Variants in CYLC2 observed in about 807,000 individuals in gnomAD.
CYLC2 encodes cylicin 2.
A neutral mutation model predicts 26.1 loss-of-function variants in CYLC2; 30 were observed. The observed-to-expected ratio is 1.15, with a 90% CI of 0.86 to 1.56. The LOEUF is 1.56. Ranked by LOEUF, CYLC2 falls within the 40% of genes most tolerant of loss-of-function variation. The pLI is 0.00. For missense variants in CYLC2, 498 were observed against 394.4 expected (o/e 1.26, Z -2.23); for synonymous variants, 158 against 132.8 (o/e 1.19, Z -1.31).
chr9:103,013,708 TATTA>T (rs1168388624), intron 6 of CYLC2, among the ~76,000 whole-genome samples: 1 of 111,124 alleles, frequency 9.0e-6, no homozygotes, highest in African/African-American at 3.7e-5. Context: ...GTACATTATA[TATTA>T]TATATATTAT....
At chr9:103,013,624 T>A (rs1240178305) in intron 6 of CYLC2, among the ~76,000 whole-genome samples, 28 of 112,616 alleles carry the variant, frequency 2.5e-4, no homozygotes, top group Admixed American at 8.1e-4. Flanking sequence ...ATATAATATG[T>A]TATATAGATA....
chr9:103,005,178 G>T lies in CYLC2; in HGVS notation c.547G>T (p.Gly183Ter). 6.2e-7 allele frequency: 1 copy of T among 1,606,108 alleles called. No homozygotes were observed. The highest frequency in any genetic ancestry group is 8.5e-7 in the Non-Finnish European group (1 of 1,177,966). The change falls in exon 5 of 8, where the codon GGA becomes TGA. Residue 183 changes from glycine (G) to a stop codon, truncating the protein, a stop_gained. Coordinates refer to ENST00000374798, the MANE Select transcript of CYLC2 (RefSeq NM_001340.5). LOFTEE classifies it high-confidence loss of function. ...DSATESEDEKGGAKKDNKKDK... is the reference protein window; with the variant it reads ...DSATESEDEK ...AGCAACAGAATCTGAAGATGAAAAA[G>T]GAGGTGCAAAGAAAGATAACAAAAA... is the stretch of plus-strand genomic sequence containing the variant.
intron 1 of CYLC2, among the ~76,000 whole-genome samples, chr9:103,000,090 CTG>C (rs928691579): frequency 6.6e-6 from 1 of 151,566 alleles, no homozygotes; most frequent in Non-Finnish European, 1.5e-5. Flanking sequence ...AATATTAAAA[CTG>C]TAAGTTATTC....
intron 1 of CYLC2, among the ~76,000 whole-genome samples, chr9:102,997,498 C>A (rs1442503971): frequency 6.6e-6 from 1 of 151,904 alleles, no homozygotes; most frequent in Non-Finnish European, 1.5e-5. Flanking sequence ...GTTGACCTTG[C>A]CTTTACACAG....
intron 6 of CYLC2, among the ~76,000 whole-genome samples, chr9:103,014,397 A>T (rs1564101087): frequency 1.7e-5 from 2 of 116,814 alleles, no homozygotes; most frequent in Non-Finnish European, 1.7e-5. Context: ...AATATAACAT[A>T]ATGTATGTTA....
chr9:103,015,892 C>T (rs1226092454), intron 6 of CYLC2, among the ~76,000 whole-genome samples: 5 of 149,982 alleles, frequency 3.3e-5, no homozygotes, highest in African/African-American at 1.2e-4. Flanking sequence ...AAGACAGAAG[C>T]TAATCTCAAC....
intron 6 of CYLC2, among the ~76,000 whole-genome samples, chr9:103,014,907 G>C (rs1264617405): frequency 7.6e-6 from 1 of 131,446 alleles, no homozygotes; most frequent in Non-Finnish European, 1.6e-5. Context: ...CATAATATAT[G>C]TAATATACAT....
intron 1 of CYLC2, among the ~76,000 whole-genome samples, chr9:103,000,726 CAAAT>C (rs1829280211): frequency 6.6e-6 from 1 of 151,982 alleles, no homozygotes; most frequent in Non-Finnish European, 1.5e-5. Flanking sequence ...TACACGCTGT[CAAAT>C]AAACACCACG....
In CYLC2 at chr9:103,005,835, C is replaced by A; in HGVS notation, c.*157C>A. ...AAGAAGGATACAAAGGAGAACTCAG[C>A]AGAGATTTATAAAAATATATAAGAA... is the stretch of plus-strand genomic sequence containing the variant. On this transcript the variant is annotated 3_prime_UTR_variant, in exon 5 of 8. Transcript: ENST00000374798. 1.3e-6 allele frequency: 1 copy of A among 761,026 alleles called. No homozygotes were observed. Among genetic ancestry groups the A allele is most frequent in the Non-Finnish European group, 2.1e-6 (1 of 483,958 alleles). 47.1% of individuals were successfully genotyped at this position (761,026 alleles called of 1,614,324 possible).
At position 103,010,012 on chromosome 9, in the gene CYLC2, CAT is replaced by C. The variant is rs777933906; in HGVS notation, c.*701-1969_*701-1968del. On this transcript the variant is annotated intron_variant, in intron 5 of 7. Transcript: ENST00000374798. ...ATGTATGTGTATATATATATATATA[CAT>C]GTCAATATAACAAAAATAGAAAATT... Among the ~76,000 whole-genome samples, 446 of 150,530 alleles carry C rather than the reference CAT, an allele frequency of 3.0e-3. 2 individuals carry two copies. The highest frequency in any genetic ancestry group is 3.7e-3 in the Non-Finnish European group (247 of 67,560).
rs12004982 is a variant in CYLC2 at position 103,015,657 on chromosome 9, C to T, written c.*817-1231C>T. On this transcript the variant is annotated intron_variant, in intron 6 of 7. Coordinates refer to ENST00000374798, the MANE Select transcript of CYLC2 (RefSeq NM_001340.5). ...TTCCTTGGACTCTCTACTTGACCAG[C>T]GCTCTACCTTTCAGAGTAGCTCGTT... is the stretch of plus-strand genomic sequence containing the variant. Among the ~76,000 whole-genome samples the T allele has an allele frequency of 6.9e-3, 1,016 of 148,258 alleles. 8 individuals are homozygous for T. The highest frequency in any genetic ancestry group is 0.025 in the Middle Eastern group (7 of 280).
chr9:103,013,959 T>C (rs1327149122), intron 6 of CYLC2, among the ~76,000 whole-genome samples: 1 of 115,026 alleles, frequency 8.7e-6, no homozygotes, highest in Non-Finnish European at 1.6e-5. Context: ...CTATATATTA[T>C]ATATTATTAT....
intron 1 of CYLC2, among the ~76,000 whole-genome samples, chr9:102,998,895 T>A (rs1829261987): frequency 6.6e-6 from 1 of 151,928 alleles, no homozygotes; most frequent in Non-Finnish European, 1.5e-5. Flanking sequence ...TTTCTTTCAA[T>A]ATAATATTCC....
chr9:103,001,676 T>C lies in CYLC2; in HGVS notation c.58+58T>C, dbSNP rs1409547871. The C allele has an allele frequency of 4.7e-6, 5 of 1,061,060 alleles. No individual in the cohort carries two copies. The African/African-American group carries it at 6.4e-5, about 13-fold the overall frequency. The allele number at this position is 1,061,060 out of a possible 1,614,324, so 65.7% of individuals were successfully genotyped here. On this transcript the variant is annotated intron_variant, in intron 2 of 7. Transcript: ENST00000374798. Reference sequence around the variant, plus strand: ...GGTGTGCTTAATTTTATGGTAAGTATTATCCTCTATTCAAAGTGATAAAGC... The same window carrying C: ...GGTGTGCTTAATTTTATGGTAAGTACTATCCTCTATTCAAAGTGATAAAGC...
chr9:103,010,224 AC>A (rs1564099574), intron 5 of CYLC2, among the ~76,000 whole-genome samples: 1 of 152,084 alleles, frequency 6.6e-6, no homozygotes, highest in Non-Finnish European at 1.5e-5. Context: ...AAAGTTTTAT[AC>A]CAAATTACTT....
chr9:103,010,574 T>C (rs2118254067), intron 5 of CYLC2: 1 of 152,212 alleles, frequency 6.6e-6, no homozygotes, highest in South Asian at 2.1e-4. Flanking sequence ...GTAGTGTAAT[T>C]GTTTGTGGAT....
At chr9:103,013,109 CATAA>C (rs1330262035) in intron 6 of CYLC2, among the ~76,000 whole-genome samples, 1 of 110,934 alleles carries the variant, frequency 9.0e-6, no homozygotes, top group African/African-American at 3.4e-5. Context: ...AAATATATAT[CATAA>C]ATAATATAAA....
intron 6 of CYLC2, among the ~76,000 whole-genome samples, chr9:103,012,618 A>G (rs1357256561): frequency 6.6e-6 from 1 of 152,064 alleles, no homozygotes; most frequent in Non-Finnish European, 1.5e-5. Flanking sequence ...TAAAATATAG[A>G]ATAAAAGTAT....
chr9:103,013,088 AAAT>A (rs1056181032), intron 6 of CYLC2, among the ~76,000 whole-genome samples: 9 of 143,540 alleles, frequency 6.3e-5, no homozygotes, highest in African/African-American at 7.6e-5. Flanking sequence ...TATGTATCAT[AAAT>A]AATATAAAAA....
Sources: allele counts gnomAD v4.1 joint callset (sites outside exome capture counted in the v4.1 genomes callset), GRCh38; gene constraint gnomAD v4.1.1; transcripts MANE v1.5; gene names NCBI Gene and HGNC (gene_info 2026-07-23, HGNC 2026-07-21).